The following SPTBN2 variants were observed in gnomAD, a reference collection of about 807,000 sequenced individuals.
SPTBN2 encodes spectrin beta, non-erythrocytic 2, also known as spectrin beta chain, non-erythrocytic 2.
Under a neutral mutation model 284.2 loss-of-function variants are expected in SPTBN2, and 107 were observed. The ratio of observed to expected loss-of-function variants is 0.38; its 90% CI spans 0.32 to 0.44. The LOEUF (loss-of-function observed/expected upper bound fraction) is 0.44, where lower values mean the gene tolerates loss of function less well. SPTBN2 is among the 20% of genes least tolerant of loss of function. The pLI is 1.00. For synonymous variants in SPTBN2, 1,289 were observed against 1,354.8 expected (o/e 0.95, Z 1.07); for missense variants, 2,569 against 3,287.1 (o/e 0.78, Z 5.34).
chr11:66,715,999 G>A lies in SPTBN2; in HGVS notation c.158-18C>T. The stretch of plus-strand genomic sequence containing the variant: ...TCGTTCATCTGTGGTGGCAACATGG[G>A]TTTATTTCTGTCCCTCGAGTTCAGT... On this transcript the variant is annotated intron_variant, in intron 3 of 37. Coordinates refer to ENST00000533211, the MANE Select transcript of SPTBN2 (RefSeq NM_006946.4). The surrounding 1 kb of genome is among the most constrained non-coding windows in gnomAD (Gnocchi z 5.3). 1 of 1,613,556 alleles carries A rather than the reference G, an allele frequency of 6.2e-7. No homozygotes were observed. Among genetic ancestry groups the A allele is most frequent in the East Asian group, 2.2e-5 (1 of 44,876 alleles).
rs185234051 is a variant in SPTBN2 at position 66,696,619 on chromosome 11, C to T, written c.4015-79G>A. 74 of 1,583,454 alleles carry T rather than the reference C, an allele frequency of 4.7e-5. No homozygotes were observed. The Admixed American group carries it at 6.7e-4, about 14-fold the overall frequency. On this transcript the variant is annotated intron_variant, in intron 20 of 37. Transcript: ENST00000533211. ...GGCTGAGAGCAGACCAGGGGCCTTA[C>T]GGGCAGTAGAGACCTGAAGTGTGGG...
At chr11:66,713,218 T>C (rs2135507145) in intron 8 of SPTBN2, among the ~76,000 whole-genome samples, 1 of 149,888 alleles carries the variant, frequency 6.7e-6, no homozygotes, top group East Asian at 1.9e-4. Context: ...CAGTCTTTTG[T>C]TAAAAAAAAA....
At chr11:66,738,967 ATGCC>A (rs1283845515) in intron 1 of SPTBN2, among the ~76,000 whole-genome samples, 1 of 151,926 alleles carries the variant, frequency 6.6e-6, no homozygotes, top group Non-Finnish European at 1.5e-5. Context: ...GCTCACCACC[ATGCC>A]TGCCTAATTT....
rs1001992279 is a variant in SPTBN2 at position 66,715,158 on chromosome 11, G to A, written c.483+64C>T. 88 of 1,604,208 alleles carry A rather than the reference G, an allele frequency of 5.5e-5. No homozygotes were observed. In the South Asian group the frequency reaches 7.4e-4, roughly 13 times the overall value. On this transcript the variant is annotated intron_variant, in intron 5 of 37. Transcript: ENST00000533211. This position sits in a 1 kb window ranked among gnomAD's most constrained non-coding sequence, Gnocchi z 5.3. ...GTGTTTGTTGTGTCATGGGCCAGCA[G>A]GAACGGCTTGCGGTGCAGAGCCAGG...
rs773275271 is a variant in SPTBN2, at chr11:66,693,811, C to T, written c.4554G>A (p.Lys1518=). ...TGAGAAGCTGGACGCTGGGCAGGTCCTTGCCATGCTCCATGGAGCTGGCCA... is the reference window on the plus strand; with the variant it reads ...TGAGAAGCTGGACGCTGGGCAGGTCTTTGCCATGCTCCATGGAGCTGGCCA... ...LPMASSMEHG[K]DLPSVQLLMK... The change falls in exon 23 of 38, where the codon AAG becomes AAA. Residue 1518 remains lysine (K), a synonymous_variant. Coordinates refer to ENST00000533211, the MANE Select transcript of SPTBN2 (RefSeq NM_006946.4). This position sits in a 1 kb window ranked among gnomAD's most constrained non-coding sequence, Gnocchi z 5.7. 32 of 1,613,820 alleles carry T rather than the reference C, an allele frequency of 2.0e-5. No homozygotes were observed. In the Admixed American group the frequency reaches 4.8e-4, roughly 24 times the overall value.
rs765275288 is a variant in SPTBN2 at position 66,701,261 on chromosome 11, C to A, written c.2838G>T (p.Leu946=). The change falls in exon 17 of 38, where the codon CTG becomes CTT. Residue 946 remains leucine, a synonymous_variant. Coordinates refer to ENST00000533211, the MANE Select transcript of SPTBN2 (RefSeq NM_006946.4). ...LNHRWQQFRR[L]ADGKKAALTS... is the part of the protein sequence containing the mutation. ...TGAGAGCTGCCTTCTTGCCGTCTGCCAGACGCCGAAACTGCTGCCACCTGA... is the reference window on the plus strand; with the variant it reads ...TGAGAGCTGCCTTCTTGCCGTCTGCAAGACGCCGAAACTGCTGCCACCTGA... The A allele has an allele frequency of 1.9e-6, 3 of 1,612,728 alleles. No individual in the cohort carries two copies. The highest frequency in any genetic ancestry group is 2.5e-6 in the Non-Finnish European group (3 of 1,180,032).
chr11:66,731,801 A>C (rs903715752), upstream of SPTBN2, among the ~76,000 whole-genome samples: 1 of 152,230 alleles, frequency 6.6e-6, no homozygotes, highest in Non-Finnish European at 1.5e-5. Flanking sequence ...TGCAAAAACT[A>C]TATGGCTAAT....
intron 1 of SPTBN2, among the ~76,000 whole-genome samples, chr11:66,736,451 A>G (rs759102969): frequency 1.4e-4 from 21 of 152,114 alleles, no homozygotes; most frequent in Non-Finnish European, 2.5e-4. Context: ...AATGATTCAG[A>G]CTCATCTGGG....
rs377561909 is a variant in SPTBN2 at position 66,701,718 on chromosome 11, G to A, written c.2682C>T (p.Phe894=). 2.1e-5 allele frequency: 34 copies of A among 1,613,928 alleles called. No individual in the cohort carries two copies. Among genetic ancestry groups the A allele is most frequent in the South Asian group, 7.7e-5 (7 of 91,070 alleles). ...LEDLEVVQQR[F]ETLEPEMNTL... is the part of the protein sequence containing the mutation. Reference sequence around the variant, plus strand: ...TGTTCATTTCAGGCTCCAGGGTCTCGAACCTGAGAGGGTGGAAGAGCCAGG... The same window carrying A: ...TGTTCATTTCAGGCTCCAGGGTCTCAAACCTGAGAGGGTGGAAGAGCCAGG... Residue 894 remains phenylalanine, a synonymous_variant, in exon 16 of 38, where the codon TTC becomes TTT. Coordinates refer to ENST00000533211, the MANE Select transcript of SPTBN2 (RefSeq NM_006946.4).
At position 66,708,752 on chromosome 11, in the gene SPTBN2, G is replaced by A; in HGVS notation, c.1191+150C>T. 1 of 661,406 alleles carries A rather than the reference G, an allele frequency of 1.5e-6. No individual in the cohort carries two copies. The highest frequency in any genetic ancestry group is 2.7e-6 in the Non-Finnish European group (1 of 374,798). The allele number at this position is 661,406 out of a possible 1,614,324, so 41.0% of individuals were successfully genotyped here. A position where few individuals can be genotyped will look rare whatever the true frequency, so the allele number is the denominator to read the frequency against. The stretch of plus-strand genomic sequence containing the variant: ...GGAGAATCACATCTGGCACAGTGTG[G>A]GCAGCTGGGCAGAGTGCTCGAGTTT... On this transcript the variant is annotated intron_variant, in intron 11 of 37. Transcript: ENST00000533211. The surrounding 1 kb of genome is among the most constrained non-coding windows in gnomAD (Gnocchi z 4.4).
At chr11:66,696,118 A>G (rs1412440618) in intron 21 of SPTBN2, among the ~76,000 whole-genome samples, 159 bp downstream of exon 21, 3 of 152,178 alleles carry the variant, frequency 2.0e-5, no homozygotes, top group African/African-American at 7.2e-5. Context: ...TGACTGCGAC[A>G]TATCCCTAGA....
chr11:66,713,544 G>A (rs1941988452), intron 8 of SPTBN2, 87 bp downstream of exon 8: 5 of 993,074 alleles, frequency 5.0e-6, no homozygotes, highest in Non-Finnish European at 8.0e-6. Context: ...GTTACTCCAT[G>A]TCTTCCCCCT....
At chr11:66,699,299 G>A (rs1368667213) in intron 18 of SPTBN2, 107 bp downstream of exon 18, 7 of 1,418,034 alleles carry the variant, frequency 4.9e-6, no homozygotes, top group Admixed American at 1.9e-5. Flanking sequence ...TTCTCTGTCA[G>A]CTCCTGCCCC....
rs774302802 is a variant in SPTBN2 at position 66,707,791 on chromosome 11, C to T, written c.1378G>A (p.Val460Ile). The change falls in exon 13 of 38, where the codon GTC (valine) becomes ATC (isoleucine). Residue 460 changes from valine (V) to isoleucine (I), a missense_variant. By Grantham distance (29) the Val-to-Ile change is conservative. This residue lies in a region of SPTBN2 where 1,012 missense variants were observed against 1,248.9 expected (regional missense o/e 0.81). Coordinates refer to ENST00000533211, the MANE Select transcript of SPTBN2 (RefSeq NM_006946.4). This position sits in a 1 kb window ranked among gnomAD's most constrained non-coding sequence, Gnocchi z 4.9. ...TCGTGCTTCCGTACTGCTGCCTCGA[C>T]AGCTGCCAGCTCCAGCCCAAAGTTG... ...QDNFGLELAAVEAAVRKHEAI... is the reference protein window; with the variant it reads ...QDNFGLELAAIEAAVRKHEAI... 1 of 1,609,568 alleles carries T rather than the reference C, an allele frequency of 6.2e-7. No individual in the cohort carries two copies. The highest frequency in any genetic ancestry group is 1.7e-5 in the Admixed American group (1 of 60,002).
intron 1 of SPTBN2, among the ~76,000 whole-genome samples, chr11:66,738,148 G>A (rs554676007): frequency 6.6e-6 from 1 of 152,166 alleles, no homozygotes; most frequent in Non-Finnish European, 1.5e-5. Flanking sequence ...CCGGGAGGCA[G>A]AGGTTGCAGT....
Position 66,684,722 on chromosome 11 carries a change from G to A in SPTBN2, c.*1149C>T, listed in dbSNP as rs187479638. Among the ~76,000 whole-genome samples, 45 of 152,058 alleles carry A rather than the reference G, an allele frequency of 3.0e-4. No homozygotes were observed. Among genetic ancestry groups the A allele is most frequent in the African/African-American group, 1.1e-3 (44 of 41,460 alleles). ...TAAAGTCACCTCATGGCTTCCCAGA[G>A]TGACTTCATTCTGTTGATCAGTTTA... On this transcript the variant is annotated 3_prime_UTR_variant, in exon 38 of 38. Transcript: ENST00000533211.
Position 66,694,234 on chromosome 11 carries a change from ACTT to A in SPTBN2, c.4405_4407del (p.Lys1469del), listed in dbSNP as rs1429251123. 7 of 1,614,032 alleles carry A rather than the reference ACTT, an allele frequency of 4.3e-6. No individual in the cohort carries two copies. The South Asian group carries it at 6.6e-5, about 15-fold the overall frequency. The stretch of plus-strand genomic sequence containing the variant: ...CGCATGGGCTGGCACAAGGCCCTGA[ACTT>A]CTCCTCCACGGCCCTCGAGGTTCTC... On this transcript the variant is annotated inframe_deletion, in exon 22 of 38. Transcript: ENST00000533211.
At chr11:66,686,471 C>G in intron 36 of SPTBN2, 31 bp from the exon 37 acceptor site, 1 of 1,613,518 alleles carries the variant, frequency 6.2e-7, no homozygotes, top group Non-Finnish European at 8.5e-7. Flanking sequence ...CAGGGCAGAG[C>G]TGAGAATCCG....
chr11:66,719,422 CTTCA>C (rs1348201292), intron 3 of SPTBN2, among the ~76,000 whole-genome samples: 1 of 152,240 alleles, frequency 6.6e-6, no homozygotes, highest in Non-Finnish European at 1.5e-5. Flanking sequence ...CCTTCCTCAT[CTTCA>C]TTCATTCAGT....
Sources: gnomAD v4.1 joint callset for allele counts (sites outside exome capture counted in the v4.1 genomes callset) on GRCh38, gnomAD v4.1.1 for gene constraint, gnomAD v4.1.1 regional missense constraint, Gnocchi (gnomAD v3.1) non-coding constraint, MANE v1.5 for transcripts, NCBI Gene and HGNC (gene_info 2026-07-23, HGNC 2026-07-21) for gene names.